RUBCNL: variants seen among roughly 807,000 people sequenced by gnomAD.
The protein encoded by RUBCNL is rubicon like autophagy enhancer, also known as protein associated with UVRAG as autophagy enhancer.
Under a neutral mutation model 69.5 loss-of-function variants are expected in RUBCNL, and 62 were observed. That is an observed-to-expected ratio of 0.89 (90% CI 0.73 to 1.10). RUBCNL has a LOEUF of 1.10. Ranked by LOEUF, RUBCNL falls within the 50% of genes least tolerant of loss-of-function variation. RUBCNL has a pLI of 0.00. For synonymous variants in RUBCNL, 291 were observed against 303.6 expected (o/e 0.96, Z 0.43); for missense variants, 768 against 798.1 (o/e 0.96, Z 0.45).
At position 46,378,040 on chromosome 13, in the gene RUBCNL, A is replaced by T; in HGVS notation, c.-238-35T>A. 4 of 1,103,494 alleles carry T rather than the reference A, an allele frequency of 3.6e-6. No individual in the cohort carries two copies. The South Asian group carries it at 6.1e-5, about 17-fold the overall frequency. The allele number at this position is 1,103,494 out of a possible 1,614,324, so 68.4% of individuals were successfully genotyped here. ...AAAAAACAATTTGCCAGATGCTATG[A>T]TACCACTGCCAGGTATGTTACTTGT... On this transcript the variant is annotated intron_variant, in intron 1 of 14. Transcript: ENST00000429979.
In RUBCNL at chr13:46,350,262, G is replaced by A. The variant is rs766389615; in HGVS notation, c.1420C>T (p.Arg474Ter). 1.3e-5 allele frequency: 20 copies of A among 1,590,008 alleles called. No individual in the cohort carries two copies. The highest frequency in any genetic ancestry group is 5.7e-5 in the South Asian group (5 of 87,284). Residue 474 changes from arginine to a stop codon, truncating the protein, a stop_gained, in exon 11 of 15, where the codon CGA becomes TGA. Coordinates refer to ENST00000429979, the MANE Select transcript of RUBCNL (RefSeq NM_025113.5). LOFTEE classifies it high-confidence loss of function. ...HSYAESCIPA[R>*]ILMMWDFKKY... ...TTGAAGTCCCACATCATCAGGATTC[G>A]GGCAGGGATGCACGACTCTGCATAT...
At chr13:46,354,381 G>A (rs1008778826) in intron 10 of RUBCNL, among the ~76,000 whole-genome samples, 2 of 152,178 alleles carry the variant, frequency 1.3e-5, no homozygotes, top group Non-Finnish European at 2.9e-5. Context: ...GGGTGTACAG[G>A]AACTCTCTCT....
rs1055505452 is a variant in RUBCNL, at chr13:46,336,540, G to C, written c.*6845C>G. Among the ~76,000 whole-genome samples the C allele has an allele frequency of 1.3e-5, 2 of 151,614 alleles. No individual in the cohort carries two copies. The highest frequency in any genetic ancestry group is 2.4e-5 in the African/African-American group (1 of 41,340). On this transcript the variant is annotated 3_prime_UTR_variant, in exon 15 of 15. Transcript: ENST00000429979. The stretch of plus-strand genomic sequence containing the variant: ...CCACAATATGATGAAATTCATTATA[G>C]TCTAGCTTTTCTTAGCTAGACTTTT...
At chr13:46,346,616 T>C (rs936207388) in intron 12 of RUBCNL, among the ~76,000 whole-genome samples, 28 of 152,102 alleles carry the variant, frequency 1.8e-4, no homozygotes, top group African/African-American at 6.5e-4. Context: ...TTCTATGTTG[T>C]GGATGAAAAA....
In RUBCNL at chr13:46,337,425, G is replaced by A. The variant is rs576032609; in HGVS notation, c.*5960C>T. Among the ~76,000 whole-genome samples, 3 of 152,182 alleles carry A rather than the reference G, an allele frequency of 2.0e-5. No individual in the cohort carries two copies. In the South Asian group the frequency reaches 6.2e-4, roughly 32 times the overall value. ...TATATCTCAACTTTGGGAGTGCTGG[G>A]ATTACAAGTGTGAGCCACCGTGCCT... On this transcript the variant is annotated 3_prime_UTR_variant, in exon 15 of 15. Transcript: ENST00000429979.
intron 12 of RUBCNL, 96 bp from the exon 13 acceptor site, chr13:46,345,696 ATT>A: frequency 1.6e-6 from 2 of 1,213,070 alleles, no homozygotes; most frequent in Non-Finnish European, 1.1e-6. Flanking sequence ...CTCACACTTA[ATT>A]TTTTTTTAAC....
intron 10 of RUBCNL, 156 bp from the exon 11 acceptor site, chr13:46,350,507 C>T: frequency 1.7e-6 from 1 of 594,034 alleles, no homozygotes; most frequent in Non-Finnish European, 3.0e-6. Flanking sequence ...GGGAAGGCTC[C>T]AGCAGAGACT....
Position 46,335,811 on chromosome 13 carries a change from G to C in RUBCNL, c.*7574C>G, listed in dbSNP as rs978528528. 6.6e-6 allele frequency among the ~76,000 whole-genome samples: 1 copy of C among 152,206 alleles called. No homozygotes were observed. Among genetic ancestry groups the C allele is most frequent in the Non-Finnish European group, 1.5e-5 (1 of 68,026 alleles). ...CTTAAGCGACTGGGTCTATGGTGGTGCCATTTTCTGAGATGGAAAAGCCTG... is the reference window on the plus strand; with the variant it reads ...CTTAAGCGACTGGGTCTATGGTGGTCCCATTTTCTGAGATGGAAAAGCCTG... On this transcript the variant is annotated 3_prime_UTR_variant, in exon 15 of 15. Coordinates refer to ENST00000429979, the MANE Select transcript of RUBCNL (RefSeq NM_025113.5).
upstream of RUBCNL, chr13:46,387,462 C>A (rs1377928654): frequency 1.5e-5 from 15 of 985,392 alleles, no homozygotes; most frequent in Non-Finnish European, 1.1e-5. Context: ...CCCAGCACCA[C>A]GCACCTATGC....
chr13:46,387,439 C>T (rs1030055884), upstream of RUBCNL: 7 of 985,310 alleles, frequency 7.1e-6, no homozygotes, highest in African/African-American at 1.7e-5. Flanking sequence ...ACACCGGTGC[C>T]GCGGCGCCCG....
intron 1 of RUBCNL, among the ~76,000 whole-genome samples, chr13:46,382,335 G>A (rs1231437231): frequency 1.3e-5 from 2 of 151,984 alleles, no homozygotes; most frequent in East Asian, 1.9e-4. Context: ...GAAGTAGAGA[G>A]TAGATACGGG....
chr13:46,371,719 T>C (rs1453263000), intron 3 of RUBCNL, among the ~76,000 whole-genome samples: 1 of 152,242 alleles, frequency 6.6e-6, no homozygotes, highest in Admixed American at 6.5e-5. Flanking sequence ...ATGGCACTGA[T>C]TATCAACTAC....
upstream of RUBCNL, chr13:46,387,360 A>AAGCGCCGTTCCCGCCGCAGGCACCGAGAC (rs1214824490): frequency 2.0e-6 from 2 of 985,296 alleles, no homozygotes; most frequent in Non-Finnish European, 1.2e-6. Flanking sequence ...CAGGGAAGCA[A>AAGCGCCGTTCCCGCCGCAGGCACCGAGAC]AGCGCCGTTC....
At chr13:46,350,465 A>T in intron 10 of RUBCNL, 114 bp from the exon 11 acceptor site, 1 of 758,214 alleles carries the variant, frequency 1.3e-6, no homozygotes, top group South Asian at 1.8e-5. Context: ...TTGTTTCATG[A>T]TGATAAAGCC....
At position 46,338,293 on chromosome 13, in the gene RUBCNL, C is replaced by T. The variant is rs1445317859; in HGVS notation, c.*5092G>A. Among the ~76,000 whole-genome samples the T allele has an allele frequency of 1.3e-5, 2 of 152,208 alleles. No individual in the cohort carries two copies. The highest frequency in any genetic ancestry group is 4.8e-5 in the African/African-American group (2 of 41,456). On this transcript the variant is annotated 3_prime_UTR_variant, in exon 15 of 15. Coordinates refer to ENST00000429979, the MANE Select transcript of RUBCNL (RefSeq NM_025113.5). ...TTGAATTTTGAAATCTTTGACTCCTCACTGCTCTGCTCTGGAGCATGGTGG... is the reference window on the plus strand; with the variant it reads ...TTGAATTTTGAAATCTTTGACTCCTTACTGCTCTGCTCTGGAGCATGGTGG...
intron 2 of RUBCNL, among the ~76,000 whole-genome samples, chr13:46,375,602 A>T (rs936402137): frequency 4.6e-5 from 7 of 152,234 alleles, no homozygotes; most frequent in African/African-American, 1.7e-4. Context: ...AATGGGGCAG[A>T]ATTACTCATG....
intron 9 of RUBCNL, among the ~76,000 whole-genome samples, chr13:46,357,226 C>T (rs887701018): frequency 6.7e-5 from 10 of 148,544 alleles, no homozygotes; most frequent in South Asian, 2.2e-4. Flanking sequence ...CCAGCTACTT[C>T]GGAGGCTGAG....
In RUBCNL at chr13:46,335,726, T is replaced by C. The variant is rs55966517; in HGVS notation, c.*7659A>G. ...TTTTGTAGGTAGAGCTGACAGAAGT[T>C]ACTGATGGACTGGATCTGGGGAGTG... On this transcript the variant is annotated 3_prime_UTR_variant, in exon 15 of 15. Coordinates refer to ENST00000429979, the MANE Select transcript of RUBCNL (RefSeq NM_025113.5). 0.038 allele frequency among the ~76,000 whole-genome samples: 5,752 copies of C among 152,298 alleles called. 420 individuals carry two copies. The highest frequency in any genetic ancestry group is 0.34 in the East Asian group (1,737 of 5,166).
chr13:46,387,267 C>T, upstream of RUBCNL: 1 of 985,474 alleles, frequency 1.0e-6, no homozygotes. Flanking sequence ...AGGAGAGCTA[C>T]CGAGGAGGGG....
Sources: gnomAD v4.1 joint callset for allele counts (sites outside exome capture counted in the v4.1 genomes callset) on GRCh38, gnomAD v4.1.1 for gene constraint, MANE v1.5 for transcripts, NCBI Gene and HGNC (gene_info 2026-07-23, HGNC 2026-07-21) for gene names.